The following PRDM1 variants were observed in gnomAD, a reference collection of about 807,000 sequenced individuals.
PRDM1 encodes the protein PR domain zinc finger protein 1.
Under a neutral mutation model 62.8 loss-of-function variants are expected in PRDM1, and 13 were observed. The ratio of observed to expected loss-of-function variants is 0.21; its 90% CI spans 0.13 to 0.33. PRDM1 has a LOEUF of 0.33. PRDM1 is among the 10% of genes least tolerant of loss of function. The pLI is 1.00. For synonymous variants in PRDM1, 396 were observed against 417.6 expected, an observed-to-expected ratio of 0.95 and a Z score of 0.63; for missense variants, 895 against 1,058.8, an observed-to-expected ratio of 0.85 and a Z score of 2.15.
chr6:106,099,977 A>T (rs1774221760), intron 4 of PRDM1, among the ~76,000 whole-genome samples: 1 of 152,248 alleles, frequency 6.6e-6, no homozygotes, highest in Admixed American at 6.5e-5. Flanking sequence ...TCTGATGTGG[A>T]ACATTGTAAG....
chr6:106,075,849 G>A (rs934551327), intron 1 of PRDM1, among the ~76,000 whole-genome samples: 2 of 151,738 alleles, frequency 1.3e-5, no homozygotes, highest in African/African-American at 2.4e-5. Flanking sequence ...GCGACACTGC[G>A]CACAGCTAGT....
At chr6:106,076,281 A>G (rs530234551) in intron 1 of PRDM1, among the ~76,000 whole-genome samples, 1 of 152,300 alleles carries the variant, frequency 6.6e-6, no homozygotes, top group African/African-American at 2.4e-5. Flanking sequence ...AAATCAAATT[A>G]AAGTATGTAA....
At chr6:106,087,953 T>A in intron 1 of PRDM1, 1 of 275,664 alleles carries the variant, frequency 3.6e-6, no homozygotes, top group Admixed American at 5.1e-5. Flanking sequence ...TTTTTTTTCC[T>A]TTTCCCCACA....
chr6:106,078,219 C>T (rs755108149), intron 1 of PRDM1: 13 of 152,162 alleles, frequency 8.5e-5, no homozygotes, highest in Non-Finnish European at 8.8e-5. Flanking sequence ...GAGGGTGCAT[C>T]GCGCAGGAAC....
intron 1 of PRDM1, among the ~76,000 whole-genome samples, chr6:106,042,539 A>T (rs35885548): frequency 4.0e-5 from 6 of 150,762 alleles, no homozygotes; most frequent in African/African-American, 1.5e-4. Flanking sequence ...AAAAAAAAAA[A>T]CAAACAAACA....
intron 1 of PRDM1, among the ~76,000 whole-genome samples, chr6:106,064,957 T>C (rs775310975): frequency 6.6e-6 from 1 of 152,134 alleles, no homozygotes; most frequent in Non-Finnish European, 1.5e-5. Context: ...GTCTATCTGG[T>C]CTTCAGTAGG....
intron 1 of PRDM1, among the ~76,000 whole-genome samples, chr6:106,054,334 T>G (rs1773229978): frequency 6.6e-6 from 1 of 151,348 alleles, no homozygotes; most frequent in South Asian, 2.1e-4. Context: ...TAAAAATCTT[T>G]TGTGTGTATA....
Position 106,105,134 on chromosome 6 carries a change from C to G in PRDM1, c.974C>G (p.Thr325Ser), listed in dbSNP as rs1774419188. 2.5e-6 allele frequency: 4 copies of G among 1,613,370 alleles called. No individual in the cohort carries two copies. Among genetic ancestry groups the G allele is most frequent in the African/African-American group, 1.3e-5 (1 of 74,866 alleles). The change falls in exon 5 of 7, where the codon ACT becomes AGT. Residue 325 changes from threonine (T) to serine (S), a missense_variant. Around this residue, in one of 4 missense-constraint regions of PRDM1, gnomAD observed 444 missense variants for 422.7 expected, o/e 1.05. Coordinates refer to ENST00000369096, the MANE Select transcript of PRDM1 (RefSeq NM_001198.4). ...GGGATCGAGAGACCCACGTACATCA[C>G]TCGCTCCCCCATTCCATCCTCCACC... ...AYGIERPTYI[T>S]RSPIPSSTTP...
At chr6:106,085,022 G>C (rs1409263548), upstream of PRDM1, among the ~76,000 whole-genome samples, 1 of 152,104 alleles carries the variant, frequency 6.6e-6, no homozygotes, top group Non-Finnish European at 1.5e-5. Context: ...TTCTAGAAAA[G>C]TTTTCTAAAA....
chr6:106,016,951 C>T (rs944821613), intron 1 of PRDM1, among the ~76,000 whole-genome samples: 4 of 152,040 alleles, frequency 2.6e-5, no homozygotes, highest in African/African-American at 9.7e-5. Context: ...CGTGCCTGGC[C>T]GCACAGATGT....
Position 106,106,782 on chromosome 6 carries a change from C to A in PRDM1, c.1903-129C>A. On this transcript the variant is annotated intron_variant, in intron 6 of 6. Transcript: ENST00000369096. The surrounding 1 kb of genome is among the most constrained non-coding windows in gnomAD (Gnocchi z 4.4). ...TTTGCTTAATACCACACTGGAGGTGCCACAAGGAGGCTTCTCACCTCCTAG... is the reference window on the plus strand; with the variant it reads ...TTTGCTTAATACCACACTGGAGGTGACACAAGGAGGCTTCTCACCTCCTAG... 1 of 1,092,844 alleles carries A rather than the reference C, an allele frequency of 9.2e-7. No individual in the cohort carries two copies. 67.7% of individuals were successfully genotyped at this position (1,092,844 alleles called of 1,614,324 possible). A position where few individuals can be genotyped will look rare whatever the true frequency, so the allele number is the denominator to read the frequency against.
chr6:106,022,166 G>A (rs1254841245), intron 1 of PRDM1, among the ~76,000 whole-genome samples: 3 of 152,304 alleles, frequency 2.0e-5, no homozygotes, highest in South Asian at 4.1e-4. Context: ...AGCAGAATTC[G>A]AAATGTGAGA....
intron 1 of PRDM1, among the ~76,000 whole-genome samples, chr6:106,037,200 C>T (rs949083692): frequency 7.9e-5 from 12 of 152,188 alleles, no homozygotes; most frequent in Non-Finnish European, 1.6e-4. Context: ...TTTCTTTGCT[C>T]CTAGTACATT....
chr6:106,018,973 A>G (rs1772658484), intron 1 of PRDM1, among the ~76,000 whole-genome samples: 1 of 152,086 alleles, frequency 6.6e-6, no homozygotes, highest in Non-Finnish European at 1.5e-5. Context: ...GTGGGGTTTT[A>G]TATTCTAAGA....
Position 106,080,930 on chromosome 6 carries a change from G to C in PRDM1, c.-66-7271G>C, listed in dbSNP as rs567962165. Among the ~76,000 whole-genome samples the C allele has an allele frequency of 5.9e-5, 9 of 152,252 alleles. No homozygotes were observed. In the East Asian group the frequency reaches 1.5e-3, roughly 26 times the overall value. ...AATAACTCCTTTGCCCTGCTTCCCC[G>C]GGGTGCCTGCTTGAAGGAAACAATG... On this transcript the variant is annotated intron_variant, in intron 1 of 6. Transcript: ENST00000651185.
rs1381162199 is a variant in PRDM1, at chr6:106,105,666, C to T, written c.1506C>T (p.Ala502=). ...PHSAFSFTGA[A]ASMKDKACSP... ...GTGCCTTCTCCTTTACCGGGGCCGC[C>T]GCCAGCATGAAGGACAAGGCCTGTA... The change falls in exon 5 of 7, where the codon GCC becomes GCT. Residue 502 remains alanine, a synonymous_variant. Transcript: ENST00000369096. 2.5e-6 allele frequency: 4 copies of T among 1,612,224 alleles called. No homozygotes were observed. The highest frequency in any genetic ancestry group is 1.7e-5 in the Admixed American group (1 of 59,980).
At chr6:106,088,160 G>A (rs1773859560) in intron 1 of PRDM1, 41 bp from the exon 2 acceptor site, 1 of 1,547,750 alleles carries the variant, frequency 6.5e-7, no homozygotes, top group Admixed American at 2.0e-5. Flanking sequence ...CACAGGAACG[G>A]CGGGACAATG....
chr6:106,061,024 T>C (rs548412470), intron 1 of PRDM1, among the ~76,000 whole-genome samples: 1 of 152,172 alleles, frequency 6.6e-6, no homozygotes, highest in Non-Finnish European at 1.5e-5. Flanking sequence ...GGAAATGATC[T>C]GGAAGCAGTC....
chr6:106,005,612 A>C lies in PRDM1; in HGVS notation c.-67+11973A>C, dbSNP rs62420703. On this transcript the variant is annotated intron_variant, in intron 1 of 6. Transcript: ENST00000652320. The stretch of plus-strand genomic sequence containing the variant: ...TTTGGGTTTATAAAGCTTGACTATG[A>C]GTTTCAATTTTTCACACATTGCGCT... Among the ~76,000 whole-genome samples, 283 of 152,322 alleles carry C rather than the reference A, an allele frequency of 1.9e-3. 1 individual carries two copies. Among genetic ancestry groups the C allele is most frequent in the South Asian group, 8.5e-3 (41 of 4,826 alleles).
Sources: allele counts gnomAD v4.1 joint callset (sites outside exome capture counted in the v4.1 genomes callset), GRCh38; gene constraint gnomAD v4.1.1; regional missense constraint gnomAD v4.1.1; non-coding constraint Gnocchi (gnomAD v3.1); transcripts MANE v1.5; gene names NCBI Gene and HGNC (gene_info 2026-07-23, HGNC 2026-07-21).